Variants in ELAVL2 observed in about 807,000 individuals in gnomAD.
The protein encoded by ELAVL2 is ELAV like RNA binding protein 2.
A neutral mutation model predicts 34.6 loss-of-function variants in ELAVL2; 4 were observed. That is an observed-to-expected ratio of 0.12 (90% CI 0.06 to 0.26). ELAVL2 has a LOEUF of 0.26. ELAVL2 is among the 10% of genes least tolerant of loss of function. The pLI is 1.00. For synonymous variants in ELAVL2, 193 were observed against 154.8 expected (o/e 1.25, Z -1.83); for missense variants, 432 against 442.8 (o/e 0.98, Z 0.22).
intron 3 of ELAVL2, among the ~76,000 whole-genome samples, chr9:23,723,621 ATCTTATC>A (rs1355710892): frequency 6.6e-6 from 1 of 152,056 alleles, no homozygotes; most frequent in Non-Finnish European, 1.5e-5. Flanking sequence ...GTTTCAATTT[ATCTTATC>A]TCACTGTTAT....
At chr9:23,778,211 G>A (rs976140577) in intron 1 of ELAVL2, among the ~76,000 whole-genome samples, 2 of 152,118 alleles carry the variant, frequency 1.3e-5, no homozygotes, top group East Asian at 3.9e-4. Context: ...TCACGTGCGA[G>A]GTTGAAAAGA....
intron 2 of ELAVL2, among the ~76,000 whole-genome samples, chr9:23,743,302 T>A (rs991833694): frequency 6.6e-6 from 1 of 152,198 alleles, no homozygotes; most frequent in Non-Finnish European, 1.5e-5. Flanking sequence ...CTCCTACGAT[T>A]GCCACATTCA....
intron 3 of ELAVL2, among the ~76,000 whole-genome samples, chr9:23,706,139 C>A (rs886288602): frequency 6.6e-6 from 1 of 152,130 alleles, no homozygotes; most frequent in African/African-American, 2.4e-5. Context: ...GGTCTTAAGT[C>A]CCTATAATTA....
At chr9:23,713,744 A>T (rs910963271) in intron 3 of ELAVL2, among the ~76,000 whole-genome samples, 5 of 152,196 alleles carry the variant, frequency 3.3e-5, no homozygotes, top group Non-Finnish European at 7.4e-5. Flanking sequence ...AAAATATATT[A>T]TACAAAGCAG....
chr9:23,693,473 G>C lies in ELAVL2; in HGVS notation c.727C>G (p.Leu243Val), dbSNP rs1269135048. ...QAQRFRLDNL[L>V]NMAYGVKRFS... ...CTCTTTACTCCATAAGCCATATTGA[G>C]CAGATTGTCCAACCTGCAAAACACA... The change falls in exon 6 of 7, where the codon CTC (leucine) becomes GTC (valine). Residue 243 changes from leucine (L) to valine (V), a missense_variant. Leu to Val is a conservative substitution (Grantham distance 32). Coordinates refer to ENST00000397312, the MANE Select transcript of ELAVL2 (RefSeq NM_004432.5). The C allele has an allele frequency of 1.2e-6, 2 of 1,614,072 alleles. No individual in the cohort carries two copies. Among genetic ancestry groups the C allele is most frequent in the Non-Finnish European group, 1.7e-6 (2 of 1,179,954 alleles).
chr9:23,756,188 G>C (rs12347236), intron 2 of ELAVL2, among the ~76,000 whole-genome samples: 249 of 152,140 alleles, frequency 1.6e-3, no homozygotes, highest in African/African-American at 5.7e-3. Flanking sequence ...AGCAAGCAGA[G>C]ACACAAGATA....
intron 3 of ELAVL2, among the ~76,000 whole-genome samples, chr9:23,717,430 GCTAGGTTTAATCAA>G (rs2042597757): frequency 6.6e-6 from 1 of 152,140 alleles, no homozygotes; most frequent in Non-Finnish European, 1.5e-5. Flanking sequence ...AAAGTACAGG[GCTAGGTTTAATCAA>G]ATTTTCCTGC....
chr9:23,815,498 A>G (rs1038325535), intron 1 of ELAVL2, among the ~76,000 whole-genome samples: 2 of 152,216 alleles, frequency 1.3e-5, no homozygotes, highest in Admixed American at 6.5e-5. Context: ...AAAATGGTTC[A>G]TAACACATTG....
chr9:23,780,745 T>C (rs954007538), intron 1 of ELAVL2, among the ~76,000 whole-genome samples: 13 of 152,234 alleles, frequency 8.5e-5, no homozygotes, highest in African/African-American at 2.9e-4. Flanking sequence ...CATCCATTTA[T>C]ACCAAAATGA....
At chr9:23,805,315 T>G (rs1330402810) in intron 1 of ELAVL2, among the ~76,000 whole-genome samples, 1 of 152,172 alleles carries the variant, frequency 6.6e-6, no homozygotes, top group Non-Finnish European at 1.5e-5. Context: ...AAACATCCCT[T>G]TCAAGTCTAC....
intron 1 of ELAVL2, among the ~76,000 whole-genome samples, chr9:23,823,597 ATGTT>A (rs2065088132): frequency 6.6e-6 from 1 of 152,326 alleles, no homozygotes; most frequent in East Asian, 1.9e-4. Context: ...AAAAAATAAA[ATGTT>A]AACCCCATAA....
At chr9:23,821,052 C>A (rs1333317383) in intron 1 of ELAVL2, among the ~76,000 whole-genome samples, 1 of 152,212 alleles carries the variant, frequency 6.6e-6, no homozygotes, top group Non-Finnish European at 1.5e-5. Context: ...CTCCAAGGAC[C>A]GCGCGCGCGA....
At chr9:23,716,932 G>C (rs1276244587) in intron 3 of ELAVL2, among the ~76,000 whole-genome samples, 1 of 152,160 alleles carries the variant, frequency 6.6e-6, no homozygotes, top group Non-Finnish European at 1.5e-5. Context: ...TAGAGACCTT[G>C]AATGTCAGGG....
chr9:23,722,392 A>G (rs192816146), intron 3 of ELAVL2, among the ~76,000 whole-genome samples: 92 of 152,344 alleles, frequency 6.0e-4, no homozygotes, highest in African/African-American at 2.2e-3. Flanking sequence ...ATGTTAACTC[A>G]CTTATCTGCT....
At chr9:23,796,508 A>G (rs1453109900) in intron 1 of ELAVL2, among the ~76,000 whole-genome samples, 1 of 152,266 alleles carries the variant, frequency 6.6e-6, no homozygotes, top group East Asian at 1.9e-4. Flanking sequence ...CCAAAAGGCA[A>G]AAACAGCTTC....
upstream of ELAVL2, among the ~76,000 whole-genome samples, chr9:23,827,375 T>G (rs1188753024): frequency 6.6e-6 from 1 of 152,180 alleles, no homozygotes; most frequent in Non-Finnish European, 1.5e-5. Flanking sequence ...GCATGATAAT[T>G]GTTTCTTCCT....
At chr9:23,702,480 C>A (rs2037601155) in intron 4 of ELAVL2, among the ~76,000 whole-genome samples, 1 of 151,706 alleles carries the variant, frequency 6.6e-6, no homozygotes, top group Non-Finnish European at 1.5e-5. Context: ...TTAGCGTGAA[C>A]AGGCTAGTGG....
chr9:23,708,882 C>G (rs2040149612), intron 3 of ELAVL2, among the ~76,000 whole-genome samples: 1 of 152,090 alleles, frequency 6.6e-6, no homozygotes, highest in Non-Finnish European at 1.5e-5. Flanking sequence ...AGGTGATCAG[C>G]CCACCTCGGC....
intron 2 of ELAVL2, among the ~76,000 whole-genome samples, chr9:23,736,229 A>G (rs2047854223): frequency 6.6e-6 from 1 of 152,174 alleles, no homozygotes; most frequent in South Asian, 2.1e-4. Flanking sequence ...TCCAACCAAT[A>G]TTAAACAAGA....
Sources: gnomAD v4.1 joint callset for allele counts (sites outside exome capture counted in the v4.1 genomes callset) on GRCh38, gnomAD v4.1.1 for gene constraint, MANE v1.5 for transcripts, NCBI Gene and HGNC (gene_info 2026-07-23, HGNC 2026-07-21) for gene names.